Variants in SMG6 observed in about 807,000 individuals in gnomAD.
SMG6 encodes the protein SMG6 nonsense mediated mRNA decay factor.
In SMG6, 66 loss-of-function variants were observed where a neutral mutation model predicts 142.2. The ratio of observed to expected loss-of-function variants is 0.46; its 90% confidence interval spans 0.38 to 0.57. The LOEUF is 0.57. SMG6 is among the 20% of genes least tolerant of loss of function. The pLI is 0.00. For missense variants in SMG6, 1,793 were observed against 1,832.0 expected, an observed-to-expected ratio of 0.98 and a Z score of 0.39; for synonymous variants, 779 against 702.4, an observed-to-expected ratio of 1.11 and a Z score of -1.72.
chr17:2,252,600 A>G (rs1411697414), intron 8 of SMG6, among the ~76,000 whole-genome samples: 1 of 152,208 alleles, frequency 6.6e-6, no homozygotes, highest in Non-Finnish European at 1.5e-5. Context: ...TAAATCTTCT[A>G]GGGCTGTTTC....
At chr17:2,152,387 C>G (rs1317390513) in intron 13 of SMG6, among the ~76,000 whole-genome samples, 1 of 152,122 alleles carries the variant, frequency 6.6e-6, no homozygotes, top group African/African-American at 2.4e-5. Flanking sequence ...TTTAATCAGT[C>G]AAAACTTAGT....
intron 13 of SMG6, among the ~76,000 whole-genome samples, chr17:2,093,472 T>C (rs1430739332): frequency 1.3e-5 from 2 of 152,034 alleles, no homozygotes; most frequent in African/African-American, 2.4e-5. Flanking sequence ...CTTAGCGAGA[T>C]GCCTGGGCCC....
chr17:2,188,774 G>C lies in SMG6; in HGVS notation c.2870-259C>G, dbSNP rs577862656. Among the ~76,000 whole-genome samples the C allele has an allele frequency of 6.6e-5, 10 of 152,302 alleles. 1 individual carries two copies. The South Asian group carries it at 2.1e-3, about 32-fold the overall frequency. ...TTCCCAGGAACGGTTACCTCAGGAA[G>C]GGCAGTCTGAGCTGGAGCTGCATGG... On this transcript the variant is annotated intron_variant, in intron 10 of 18. Coordinates refer to ENST00000263073, the MANE Select transcript of SMG6 (RefSeq NM_017575.5).
chr17:2,292,517 C>A (rs370464111), intron 6 of SMG6, 35 bp downstream of exon 6: 1 of 1,600,778 alleles, frequency 6.2e-7, no homozygotes, highest in African/African-American at 1.3e-5. Flanking sequence ...ATACTTCCTG[C>A]AAAGCACTTT....
intron 13 of SMG6, among the ~76,000 whole-genome samples, chr17:2,143,552 C>G (rs2070555620): frequency 6.6e-6 from 1 of 152,064 alleles, no homozygotes; most frequent in Admixed American, 6.6e-5. Context: ...TGAAAGTAAA[C>G]TAGTGGTTGA....
At chr17:2,233,823 C>T (rs946420792) in intron 10 of SMG6, among the ~76,000 whole-genome samples, 5 of 152,288 alleles carry the variant, frequency 3.3e-5, no homozygotes, top group African/African-American at 9.6e-5. Context: ...GCACTCTGCT[C>T]GCCCCTGTCC....
chr17:2,230,827 T>G (rs1284732080), intron 10 of SMG6, among the ~76,000 whole-genome samples: 1 of 152,212 alleles, frequency 6.6e-6, no homozygotes, highest in Non-Finnish European at 1.5e-5. Context: ...CTACTTCTAC[T>G]TTGAATCTAC....
rs1178083314 is a variant in SMG6 at position 2,277,159 on chromosome 17, TTATTTATTTTTTA to T, written c.2661+5475_2661+5487del. Among the ~76,000 whole-genome samples, 15 of 59,176 alleles carry T rather than the reference TTATTTATTTTTTA, an allele frequency of 2.5e-4. 1 individual carries two copies. In the South Asian group the frequency reaches 5.5e-3, roughly 22 times the overall value. 38.8% of individuals were successfully genotyped at this position (59,176 alleles called of 152,430 possible). On this transcript the variant is annotated intron_variant, in intron 8 of 18. Coordinates refer to ENST00000263073, the MANE Select transcript of SMG6 (RefSeq NM_017575.5). ...TTTATTTATTTATTTATTTATTTATTTATTTATTTTTTATTTTTTTTTTTTTTGAGACAGAGTC... is the reference window on the plus strand; with the variant it reads ...TTTATTTATTTATTTATTTATTTATTTTTTTTTTTTTTTTGAGACAGAGTC...
intron 4 of SMG6, 25 bp from the exon 5 acceptor site, chr17:2,293,002 A>T: frequency 6.6e-7 from 1 of 1,521,508 alleles, no homozygotes; most frequent in Non-Finnish European, 9.1e-7. Context: ...ACCAGTTAGT[A>T]GAAAAGCCAA....
intron 13 of SMG6, among the ~76,000 whole-genome samples, chr17:2,167,805 G>C (rs1262351666): frequency 7.9e-5 from 12 of 152,234 alleles, no homozygotes; most frequent in Non-Finnish European, 1.8e-4. Flanking sequence ...GAGCACTGGA[G>C]ATATGTTTTA....
intron 13 of SMG6, chr17:2,087,391 A>T: frequency 8.4e-7 from 1 of 1,187,796 alleles, no homozygotes; most frequent in Non-Finnish European, 1.1e-6. Context: ...CTGTGGCTGC[A>T]TCCTCTGCCA....
chr17:2,302,188 G>A (rs978668821), intron 1 of SMG6, among the ~76,000 whole-genome samples: 1 of 152,136 alleles, frequency 6.6e-6, no homozygotes, highest in Non-Finnish European at 1.5e-5. Flanking sequence ...AGGAGGGGGA[G>A]GCTACAGTGA....
At chr17:2,172,540 A>C (rs2071536866) in intron 13 of SMG6, 118 bp downstream of exon 13, 3 of 1,091,024 alleles carry the variant, frequency 2.7e-6, no homozygotes, top group Non-Finnish European at 4.0e-6. Context: ...TTTTCCCTTA[A>C]CACCCTTCTC....
At chr17:2,151,423 T>G (rs1192660266) in intron 13 of SMG6, among the ~76,000 whole-genome samples, 2 of 152,144 alleles carry the variant, frequency 1.3e-5, no homozygotes, top group African/African-American at 4.8e-5. Context: ...GACATGCAAA[T>G]AACTGAGATT....
intron 13 of SMG6, among the ~76,000 whole-genome samples, chr17:2,163,600 C>A (rs1366101306): frequency 6.6e-6 from 1 of 151,978 alleles, no homozygotes; most frequent in South Asian, 2.1e-4. Flanking sequence ...ATAATTTATG[C>A]TTTTTGGGGA....
Position 2,226,566 on chromosome 17 carries a change from G to A in SMG6, c.2869+9926C>T, listed in dbSNP as rs147541460. Reference sequence around the variant, plus strand: ...TGCACTCCAGCCCAGGCGACAGTACGAGACTCTGTCTTAAAACAAACAAAC... The same window carrying A: ...TGCACTCCAGCCCAGGCGACAGTACAAGACTCTGTCTTAAAACAAACAAAC... On this transcript the variant is annotated intron_variant, in intron 10 of 18. Transcript: ENST00000263073. 6.3e-4 allele frequency among the ~76,000 whole-genome samples: 96 copies of A among 151,366 alleles called. 1 individual carries two copies. Among genetic ancestry groups the A allele is most frequent in the African/African-American group, 2.1e-3 (87 of 41,178 alleles).
At chr17:2,127,854 A>G in intron 13 of SMG6, 1 of 555,302 alleles carries the variant, frequency 1.8e-6, no homozygotes, top group East Asian at 4.7e-5. Flanking sequence ...TTTGCTGAAG[A>G]GCGATCTCCT....
chr17:2,169,695 G>A (rs1003617957), intron 13 of SMG6, among the ~76,000 whole-genome samples: 1 of 152,210 alleles, frequency 6.6e-6, no homozygotes, highest in African/African-American at 2.4e-5. Context: ...CCTGAGGTCA[G>A]AGAGCTTGGG....
intron 8 of SMG6, among the ~76,000 whole-genome samples, chr17:2,258,030 A>AT (rs1160775733): frequency 1.5e-4 from 17 of 110,884 alleles, no homozygotes; most frequent in Non-Finnish European, 2.8e-4. Flanking sequence ...AAAAAAAAAA[A>AT]AAAAATATAC....
Sources: gnomAD v4.1 joint callset for allele counts (sites outside exome capture counted in the v4.1 genomes callset) on GRCh38, gnomAD v4.1.1 for gene constraint, MANE v1.5 for transcripts, NCBI Gene and HGNC (gene_info 2026-07-23, HGNC 2026-07-21) for gene names.